NRG1: variants seen among roughly 807,000 people sequenced by gnomAD.
The protein encoded by NRG1 is pro-neuregulin-1, membrane-bound isoform.
Under a neutral mutation model 63.8 loss-of-function variants are expected in NRG1, and 18 were observed. The ratio of observed to expected loss-of-function variants is 0.28; its 90% CI spans 0.19 to 0.42. The LOEUF is 0.42. Ranked by LOEUF, NRG1 falls within the 10% of genes least tolerant of loss-of-function variation. NRG1 has a pLI of 1.00. For missense variants in NRG1, 762 were observed against 814.7 expected (o/e 0.94, Z 0.79); for synonymous variants, 302 against 301.3 (o/e 1.00, Z -0.02).
intron 1 of NRG1, among the ~76,000 whole-genome samples, chr8:31,710,470 G>T (rs980053099): frequency 4.6e-5 from 7 of 151,864 alleles, no homozygotes; most frequent in Non-Finnish European, 8.8e-5. Context: ...TGAGAGAAGA[G>T]AATTACTCTC....
At chr8:32,676,708 TG>T (rs1198599856) in intron 5 of NRG1, among the ~76,000 whole-genome samples, 2 of 152,246 alleles carry the variant, frequency 1.3e-5, no homozygotes, top group Non-Finnish European at 2.9e-5. Flanking sequence ...GCAGCTTCTC[TG>T]TTCTCACCTT....
chr8:32,304,600 A>T (rs1476629058), intron 1 of NRG1, among the ~76,000 whole-genome samples: 1 of 152,316 alleles, frequency 6.6e-6, no homozygotes, highest in African/African-American at 2.4e-5. Context: ...TAGTAAAAAA[A>T]ATATAAAATA....
chr8:32,447,791 T>C (rs1820450786), intron 1 of NRG1, among the ~76,000 whole-genome samples: 1 of 151,328 alleles, frequency 6.6e-6, no homozygotes, highest in Non-Finnish European at 1.5e-5. Flanking sequence ...GAGGATCACT[T>C]GAACCAGGGA....
intron 5 of NRG1, among the ~76,000 whole-genome samples, chr8:32,666,762 A>G (rs1804275593): frequency 6.6e-6 from 1 of 152,160 alleles, no homozygotes; most frequent in African/African-American, 2.4e-5. Flanking sequence ...GAAACTCTGT[A>G]CCCATTGAAC....
intron 1 of NRG1, among the ~76,000 whole-genome samples, chr8:32,085,526 A>G (rs563177236): frequency 1.6e-4 from 24 of 152,358 alleles, no homozygotes; most frequent in African/African-American, 5.5e-4. Context: ...AATAAAGATC[A>G]TAATTCTTTC....
At chr8:32,315,776 G>A (rs1857314235) in intron 1 of NRG1, among the ~76,000 whole-genome samples, 1 of 152,138 alleles carries the variant, frequency 6.6e-6, no homozygotes, top group South Asian at 2.1e-4. Context: ...CCCTCCTGTA[G>A]GTCACAGTGT....
At chr8:31,931,321 A>C (rs1313492230) in intron 1 of NRG1, among the ~76,000 whole-genome samples, 1 of 152,140 alleles carries the variant, frequency 6.6e-6, no homozygotes, top group Admixed American at 6.5e-5. Context: ...CCCCCAAAAA[A>C]GAGGAACTAA....
intron 1 of NRG1, among the ~76,000 whole-genome samples, chr8:31,859,194 G>A (rs1283999991): frequency 1.3e-5 from 2 of 152,060 alleles, no homozygotes; most frequent in African/African-American, 4.8e-5. Flanking sequence ...CAAAAAGAAA[G>A]CCCTTATTAG....
intron 1 of NRG1, among the ~76,000 whole-genome samples, chr8:32,296,805 T>C (rs1046830711): frequency 2.6e-5 from 4 of 152,156 alleles, no homozygotes; most frequent in Non-Finnish European, 5.9e-5. Flanking sequence ...CTAGAGTTAC[T>C]TTTATTCATA....
At chr8:31,966,630 A>G (rs1054251836) in intron 1 of NRG1, among the ~76,000 whole-genome samples, 1 of 152,176 alleles carries the variant, frequency 6.6e-6, no homozygotes. Flanking sequence ...TGCTTAATAC[A>G]TTTCAATCTT....
intron 5 of NRG1, among the ~76,000 whole-genome samples, chr8:32,686,203 C>T (rs950754318): frequency 3.3e-5 from 5 of 151,966 alleles, no homozygotes; most frequent in Non-Finnish European, 5.9e-5. Context: ...CTACTTCTTT[C>T]CATAAGAAGA....
At chr8:32,657,899 C>T (rs1473222499) in intron 5 of NRG1, among the ~76,000 whole-genome samples, 1 of 152,146 alleles carries the variant, frequency 6.6e-6, no homozygotes. Flanking sequence ...CAGTTTTTCC[C>T]ATCAAGCAAC....
chr8:32,490,704 T>C (rs1320489721), intron 1 of NRG1, among the ~76,000 whole-genome samples: 1 of 152,154 alleles, frequency 6.6e-6, no homozygotes, highest in Non-Finnish European at 1.5e-5. Flanking sequence ...TCTCAAGAAA[T>C]GTTAACACCC....
intron 1 of NRG1, among the ~76,000 whole-genome samples, chr8:31,914,256 C>T (rs1165038778): frequency 1.3e-5 from 2 of 151,662 alleles, no homozygotes; most frequent in Non-Finnish European, 2.9e-5. Flanking sequence ...CCTTAAAACG[C>T]AAAGCATCAG....
rs746839580 is a variant in NRG1 at position 31,976,947 on chromosome 8, C to T, written c.37+337516C>T. ...TATCCAAAATAGAGACATATTATTA[C>T]TTATGAAGATGAAATGTTTGTGGTT... On this transcript the variant is annotated intron_variant, in intron 1 of 10. Coordinates refer to the NRG1 transcript ENST00000519301. Among the ~76,000 whole-genome samples, 4 of 152,132 alleles carry T rather than the reference C, an allele frequency of 2.6e-5. No homozygotes were observed. The East Asian group carries it at 7.7e-4, about 29-fold the overall frequency.
At chr8:32,296,318 G>A (rs994618) in intron 1 of NRG1, among the ~76,000 whole-genome samples, 3,968 of 152,026 alleles carry the variant, frequency 0.026, 90 homozygotes, top group East Asian at 0.099. Flanking sequence ...GGCCAGGTGC[G>A]GTGGCTCACG....
chr8:31,709,099 G>A (rs757952253), intron 1 of NRG1, among the ~76,000 whole-genome samples: 78 of 150,838 alleles, frequency 5.2e-4, no homozygotes, highest in Non-Finnish European at 1.0e-3. Flanking sequence ...GCATAAAAGT[G>A]GATTTTTGGA....
intron 1 of NRG1, among the ~76,000 whole-genome samples, chr8:31,662,510 C>G (rs77488984): frequency 0.021 from 3,195 of 152,266 alleles, 126 homozygotes; most frequent in African/African-American, 0.073. Context: ...GCCACTCCTG[C>G]ATTTCTGGGT....
At chr8:32,457,927 T>G (rs79906673) in intron 1 of NRG1, among the ~76,000 whole-genome samples, 1 of 152,090 alleles carries the variant, frequency 6.6e-6, no homozygotes, top group African/African-American at 2.4e-5. Context: ...TTTTTTTTTT[T>G]TGTTTTTTTG....
Sources: allele counts gnomAD v4.1 joint callset (sites outside exome capture counted in the v4.1 genomes callset), GRCh38; gene constraint gnomAD v4.1.1; transcripts MANE v1.5; gene names NCBI Gene and HGNC (gene_info 2026-07-23, HGNC 2026-07-21).